EXOC4: variants seen among roughly 807,000 people sequenced by gnomAD.
EXOC4 encodes SEC8-like 1.
In EXOC4, 71 loss-of-function variants were observed where a neutral mutation model predicts 107.2. The observed-to-expected ratio is 0.66, with a 90% CI of 0.55 to 0.81. The LOEUF is 0.81. Among genes scored for constraint, EXOC4 ranks in the 30% least tolerant of loss-of-function variants. The pLI is 0.00. For synonymous variants in EXOC4, 456 were observed against 441.2 expected, an observed-to-expected ratio of 1.03 and a Z score of -0.42; for missense variants, 1,108 against 1,189.6, an observed-to-expected ratio of 0.93 and a Z score of 1.01.
intron 10 of EXOC4, among the ~76,000 whole-genome samples, chr7:133,785,746 C>T (rs568721886): frequency 6.6e-6 from 1 of 151,796 alleles, no homozygotes; most frequent in Admixed American, 6.6e-5. Flanking sequence ...TATCTCAGCT[C>T]ACTGCAAGCT....
chr7:133,562,265 C>T (rs1486666668), intron 9 of EXOC4, among the ~76,000 whole-genome samples: 1 of 152,186 alleles, frequency 6.6e-6, no homozygotes, highest in Non-Finnish European at 1.5e-5. Context: ...TCTAGGCTAT[C>T]CAAGCCCAGG....
intron 8 of EXOC4, among the ~76,000 whole-genome samples, chr7:133,476,912 C>A (rs887865136): frequency 6.6e-6 from 1 of 152,144 alleles, no homozygotes; most frequent in Non-Finnish European, 1.5e-5. Context: ...ATTGCGATCA[C>A]GAGGTGTATC....
intron 12 of EXOC4, among the ~76,000 whole-genome samples, chr7:133,916,688 T>C (rs1349899538): frequency 6.6e-6 from 1 of 152,176 alleles, no homozygotes; most frequent in African/African-American, 2.4e-5. Flanking sequence ...GAGTGACCCC[T>C]GTACTAAAAG....
At chr7:133,367,556 GCT>G (rs1796274816) in intron 6 of EXOC4, among the ~76,000 whole-genome samples, 1 of 152,102 alleles carries the variant, frequency 6.6e-6, no homozygotes, top group African/African-American at 2.4e-5. Context: ...AGTTCTGTTG[GCT>G]CTCTTTCTAG....
chr7:133,453,164 G>A (rs1798387290), intron 7 of EXOC4, among the ~76,000 whole-genome samples: 1 of 152,140 alleles, frequency 6.6e-6, no homozygotes, highest in South Asian at 2.1e-4. Flanking sequence ...AATACAGCAA[G>A]GTTATATAAA....
intron 17 of EXOC4, among the ~76,000 whole-genome samples, chr7:134,012,297 CTG>C (rs1468775279): frequency 1.3e-5 from 2 of 152,130 alleles, no homozygotes; most frequent in Non-Finnish European, 2.9e-5. Context: ...TGTTAGAAAA[CTG>C]TGGCAATAAT....
chr7:133,997,680 G>A (rs182032351), intron 15 of EXOC4, 47 bp downstream of exon 15: 421 of 1,583,178 alleles, frequency 2.7e-4, no homozygotes, highest in Admixed American at 6.7e-4. Context: ...ATGCACTGCG[G>A]TTCATAAATC....
intron 10 of EXOC4, among the ~76,000 whole-genome samples, chr7:133,761,724 A>G (rs186379509): frequency 6.4e-4 from 97 of 152,308 alleles, no homozygotes; most frequent in East Asian, 6.0e-3. Context: ...TGATTGAGCT[A>G]GTAACTTATA....
chr7:134,085,173 C>G, the EXOC4 span, among the ~76,000 whole-genome samples: 17 of 152,140 alleles, frequency 1.1e-4, no homozygotes, highest in Admixed American at 1.1e-3. Flanking sequence ...TATTGAAGTA[C>G]AGACTCCTTC....
At chr7:133,551,644 C>G (rs952815063) in intron 9 of EXOC4, 3 of 152,118 alleles carry the variant, frequency 2.0e-5, no homozygotes, top group Non-Finnish European at 4.4e-5. Context: ...AGGATTCTGT[C>G]ACATGCTGAT....
At chr7:133,923,472 C>G (rs193268802) in intron 13 of EXOC4, among the ~76,000 whole-genome samples, 2 of 152,092 alleles carry the variant, frequency 1.3e-5, no homozygotes, top group African/African-American at 2.4e-5. Flanking sequence ...AAGGGTATCT[C>G]TTTATCATTT....
intron 10 of EXOC4, among the ~76,000 whole-genome samples, chr7:133,816,879 G>A (rs1371083863): frequency 6.6e-6 from 1 of 152,134 alleles, no homozygotes; most frequent in African/African-American, 2.4e-5. Flanking sequence ...CACCTGCTGT[G>A]CGGTCTGGTT....
At chr7:133,508,571 G>A (rs1799709154) in intron 9 of EXOC4, among the ~76,000 whole-genome samples, 1 of 152,166 alleles carries the variant, frequency 6.6e-6, no homozygotes, top group Non-Finnish European at 1.5e-5. Flanking sequence ...TGCATGCGCT[G>A]TAAGAGATCA....
intron 10 of EXOC4, among the ~76,000 whole-genome samples, chr7:133,764,464 T>C (rs1323271689): frequency 3.9e-5 from 6 of 152,060 alleles, no homozygotes; most frequent in Non-Finnish European, 8.8e-5. Context: ...CTAGGAGAGT[T>C]CCAGCATGCT....
chr7:133,730,968 A>G (rs1192468784), intron 10 of EXOC4, among the ~76,000 whole-genome samples: 1 of 152,178 alleles, frequency 6.6e-6, no homozygotes, highest in African/African-American at 2.4e-5. Context: ...AATAGTTACA[A>G]AGTAAATCCA....
chr7:133,895,886 A>AC, intron 12 of EXOC4, 151 bp downstream of exon 12: 1 of 794,934 alleles, frequency 1.3e-6, no homozygotes, highest in Non-Finnish European at 1.9e-6. Context: ...AGCCTCCTAG[A>AC]CCTTTGTGTA....
intron 3 of EXOC4, among the ~76,000 whole-genome samples, chr7:133,300,938 A>G (rs1241845708): frequency 6.6e-6 from 1 of 152,156 alleles, no homozygotes; most frequent in African/African-American, 2.4e-5. Context: ...TCTGATAAAG[A>G]TAAAAATTTC....
At chr7:133,619,273 C>A (rs187581612) in intron 9 of EXOC4, among the ~76,000 whole-genome samples, 112 of 152,292 alleles carry the variant, frequency 7.4e-4, no homozygotes, top group African/African-American at 2.5e-3. Context: ...TTCTCTTAGT[C>A]ATTTTGAGTT....
At chr7:133,554,192 A>G (rs539379079) in intron 9 of EXOC4, among the ~76,000 whole-genome samples, 3 of 152,154 alleles carry the variant, frequency 2.0e-5, no homozygotes, top group Non-Finnish European at 4.4e-5. Flanking sequence ...TCCTGAGACT[A>G]TTAAAATCTT....
Sources: allele counts gnomAD v4.1 joint callset (sites outside exome capture counted in the v4.1 genomes callset), GRCh38; gene constraint gnomAD v4.1.1; transcripts MANE v1.5; gene names NCBI Gene and HGNC (gene_info 2026-07-23, HGNC 2026-07-21).